CELF4: variants seen among roughly 807,000 people sequenced by gnomAD.
CELF4 encodes CUGBP Elav-like family member 4, also known as CUG-BP- and ETR-3-like factor 4.
A neutral mutation model predicts 59.9 loss-of-function variants in CELF4; 18 were observed. That is an observed-to-expected ratio of 0.30 (90% CI 0.21 to 0.45). The LOEUF (loss-of-function observed/expected upper bound fraction) is 0.45, where lower values mean the gene tolerates loss of function less well. Ranked by LOEUF, CELF4 falls within the 20% of genes least tolerant of loss-of-function variation. The probability of loss-of-function intolerance (pLI) is 1.00; values close to 1 mark genes in which losing one functional copy is unlikely to be tolerated. For missense variants in CELF4, 456 were observed against 689.0 expected, an observed-to-expected ratio of 0.66 and a Z score of 3.79; for synonymous variants, 261 against 267.1, an observed-to-expected ratio of 0.98 and a Z score of 0.22.
intron 2 of CELF4, among the ~76,000 whole-genome samples, chr18:37,375,402 G>A (rs1409798123): frequency 6.6e-6 from 1 of 152,118 alleles, no homozygotes; most frequent in East Asian, 1.9e-4. Flanking sequence ...GGGCCTTCAG[G>A]GCTGGTTCCT....
At chr18:37,304,452 C>A (rs2096268846) in intron 3 of CELF4, among the ~76,000 whole-genome samples, 1 of 152,106 alleles carries the variant, frequency 6.6e-6, no homozygotes, top group African/African-American at 2.4e-5. Context: ...GCCAAAAGGC[C>A]CATGGTGGGG....
chr18:37,559,985 T>C (rs1055579015), intron 1 of CELF4, among the ~76,000 whole-genome samples: 2 of 152,232 alleles, frequency 1.3e-5, no homozygotes, highest in Non-Finnish European at 2.9e-5. Context: ...TTTATGGCTA[T>C]GATTTCATTC....
Position 37,562,927 on chromosome 18 carries a change from G to A in CELF4, c.286+2429C>T, listed in dbSNP as rs573607924. Among the ~76,000 whole-genome samples the A allele has an allele frequency of 2.9e-4, 44 of 152,252 alleles. 1 individual carries two copies. Among genetic ancestry groups the A allele is most frequent in the African/African-American group, 9.9e-4 (41 of 41,554 alleles). Reference sequence around the variant, plus strand: ...GCTCAGGCTCTGAAGGGTGAGCTGCGACAACGAGGAACCCAGTATGCCGGA... The same window carrying A: ...GCTCAGGCTCTGAAGGGTGAGCTGCAACAACGAGGAACCCAGTATGCCGGA... On this transcript the variant is annotated intron_variant, in intron 1 of 12. Transcript: ENST00000420428.
intron 3 of CELF4, among the ~76,000 whole-genome samples, chr18:37,284,368 G>A (rs2094524908): frequency 6.7e-6 from 1 of 150,304 alleles, no homozygotes; most frequent in African/African-American, 2.4e-5. Context: ...ACCTCCCCAA[G>A]GCAAAAGGCC....
chr18:37,279,192 G>A (rs1222563663), intron 3 of CELF4, among the ~76,000 whole-genome samples: 17 of 152,262 alleles, frequency 1.1e-4, no homozygotes, highest in Admixed American at 8.5e-4. Context: ...TCCCATAGTC[G>A]GGGTATTGGG....
chr18:37,457,594 A>T (rs1387575617), intron 2 of CELF4, among the ~76,000 whole-genome samples: 2 of 152,128 alleles, frequency 1.3e-5, no homozygotes, highest in Non-Finnish European at 2.9e-5. Flanking sequence ...TAATTAACTG[A>T]GCAAGGCTTC....
chr18:37,345,184 A>G (rs2098207091), intron 2 of CELF4, among the ~76,000 whole-genome samples: 1 of 152,206 alleles, frequency 6.6e-6, no homozygotes, highest in African/African-American at 2.4e-5. Flanking sequence ...AAGGATCGTT[A>G]GGTTAGGCCA....
chr18:37,364,519 G>A (rs1211597190), intron 2 of CELF4, among the ~76,000 whole-genome samples: 1 of 152,152 alleles, frequency 6.6e-6, no homozygotes, highest in African/African-American at 2.4e-5. Context: ...TCCAGGCTGT[G>A]GTCTAGAGGC....
Position 37,358,372 on chromosome 18 carries a change from C to T in CELF4, c.370-36491G>A, listed in dbSNP as rs572008821. 9.2e-5 allele frequency among the ~76,000 whole-genome samples: 14 copies of T among 152,312 alleles called. 1 individual carries two copies. The South Asian group carries it at 1.2e-3, about 14-fold the overall frequency. On this transcript the variant is annotated intron_variant, in intron 2 of 12. Transcript: ENST00000420428. Reference sequence around the variant, plus strand: ...ATGTGACTTGCTTCGCCTTGCCTTCCGCCATGATTGTGAGGCTTCCCCAGC... The same window carrying T: ...ATGTGACTTGCTTCGCCTTGCCTTCTGCCATGATTGTGAGGCTTCCCCAGC...
chr18:37,334,614 C>T (rs1271520856), intron 2 of CELF4, among the ~76,000 whole-genome samples: 1 of 152,046 alleles, frequency 6.6e-6, no homozygotes. Context: ...CCAAGCCCTC[C>T]CCTGTGTAAC....
At chr18:37,443,386 C>G (rs2099738635) in intron 2 of CELF4, among the ~76,000 whole-genome samples, 2 of 152,098 alleles carry the variant, frequency 1.3e-5, no homozygotes, top group South Asian at 4.1e-4. Context: ...CTGTGCTACC[C>G]CATACTGATT....
intron 2 of CELF4, among the ~76,000 whole-genome samples, chr18:37,392,123 C>T (rs2099168940): frequency 6.6e-6 from 1 of 152,234 alleles, no homozygotes; most frequent in Admixed American, 6.5e-5. Flanking sequence ...ACACCCATAT[C>T]TGCTCATCAC....
chr18:37,386,259 T>C (rs1266033082), intron 2 of CELF4, among the ~76,000 whole-genome samples: 3 of 152,216 alleles, frequency 2.0e-5, no homozygotes, highest in Admixed American at 6.5e-5. Flanking sequence ...AACAGTGTTC[T>C]GGAAGCTTAG....
intron 3 of CELF4, among the ~76,000 whole-genome samples, chr18:37,294,288 C>T (rs1464108168): frequency 6.6e-6 from 1 of 152,138 alleles, no homozygotes; most frequent in African/African-American, 2.4e-5. Context: ...TGTCTCCCAC[C>T]TTTGAGAAGT....
rs371087434 is a variant in CELF4 at position 37,244,539 on chromosome 18, T to C, written c.*703A>G. The C allele has an allele frequency of 1.3e-5, 2 of 152,420 alleles. No individual in the cohort carries two copies. The highest frequency in any genetic ancestry group is 4.8e-5 in the African/African-American group (2 of 41,302). 9.4% of individuals were successfully genotyped at this position (152,420 alleles called of 1,614,324 possible). A position where few individuals can be genotyped will look rare whatever the true frequency, so the allele number is the denominator to read the frequency against. ...CTATTATCTTGCTGTTTTAAAAGCA[T>C]TGAAGCGTTATTTTTCCTTTTTTTG... On this transcript the variant is annotated 3_prime_UTR_variant, in exon 13 of 13. Transcript: ENST00000420428.
chr18:37,453,296 A>G (rs2099769237), intron 2 of CELF4, among the ~76,000 whole-genome samples: 1 of 152,254 alleles, frequency 6.6e-6, no homozygotes, highest in South Asian at 2.1e-4. Context: ...TGAATATGAT[A>G]AGGCAGTTCA....
chr18:37,270,824 G>T lies in CELF4; in HGVS notation c.1043C>A (p.Ala348Asp). Residue 348 changes from alanine to aspartate, a missense_variant, in exon 8 of 13, where the codon GCC becomes GAC. This residue lies in a region of CELF4 where 256 missense variants were observed against 340.8 expected (regional missense o/e 0.75). Coordinates refer to ENST00000420428, the MANE Select transcript of CELF4 (RefSeq NM_020180.4). The stretch of plus-strand genomic sequence containing the variant: ...AGCTTCCGCAGCAGGTTGCCCATTG[G>T]CCTGTGGGGGGAGGCCGGTGAAGCC... ...VNGFTGLPPQANGQPAAEAVF... is the reference protein window; with the variant it reads ...VNGFTGLPPQDNGQPAAEAVF... 3 of 1,613,998 alleles carry T rather than the reference G, an allele frequency of 1.9e-6. No homozygotes were observed. Among genetic ancestry groups the T allele is most frequent in the Non-Finnish European group, 1.7e-6 (2 of 1,180,014 alleles).
chr18:37,326,427 C>T (rs2097314561), intron 2 of CELF4, among the ~76,000 whole-genome samples: 2 of 152,200 alleles, frequency 1.3e-5, no homozygotes, highest in Non-Finnish European at 1.5e-5. Context: ...GCGCTGTCCT[C>T]CCCGGAGGGC....
At chr18:37,439,841 C>T (rs1218272091) in intron 2 of CELF4, among the ~76,000 whole-genome samples, 1 of 152,150 alleles carries the variant, frequency 6.6e-6, no homozygotes, top group African/African-American at 2.4e-5. Flanking sequence ...TTTGGGGAAA[C>T]ATTTGTCCCC....
Sources: allele counts gnomAD v4.1 joint callset (sites outside exome capture counted in the v4.1 genomes callset), GRCh38; gene constraint gnomAD v4.1.1; regional missense constraint gnomAD v4.1.1; transcripts MANE v1.5; gene names NCBI Gene and HGNC (gene_info 2026-07-23, HGNC 2026-07-21).